The following JPH3 variants were observed in gnomAD, a reference collection of about 807,000 sequenced individuals.
The protein encoded by JPH3 is junctophilin-3.
JPH3 carries 11 observed loss-of-function variants against 59.6 expected under a neutral mutation model. The observed-to-expected ratio is 0.18, with a 90% CI of 0.12 to 0.31. The LOEUF is 0.31. Ranked by LOEUF, JPH3 falls within the 10% of genes least tolerant of loss-of-function variation. The pLI is 1.00. For synonymous variants in JPH3, 673 were observed against 483.6 expected (o/e 1.39, Z -5.14); for missense variants, 1,202 against 1,105.7 (o/e 1.09, Z -1.24).
chr16:87,621,186 C>T (rs528205338), intron 1 of JPH3, among the ~76,000 whole-genome samples: 5 of 152,308 alleles, frequency 3.3e-5, no homozygotes, highest in African/African-American at 1.2e-4. Flanking sequence ...GAAACTGGTC[C>T]CCTGGAGCGC....
rs116014046 is a variant in JPH3 at position 87,686,230 on chromosome 16, C to T, written c.1285+1964C>T. On this transcript the variant is annotated intron_variant, in intron 3 of 4. Coordinates refer to ENST00000284262, the MANE Select transcript of JPH3 (RefSeq NM_020655.4). The stretch of plus-strand genomic sequence containing the variant: ...CCCAAGAAATGGGTGCAGGCTCCCC[C>T]ACCCTGAGAATTCCAGTTAAGACTC... Among the ~76,000 whole-genome samples, 764 of 152,264 alleles carry T rather than the reference C, an allele frequency of 5.0e-3. 2 individuals carry two copies. Among genetic ancestry groups the T allele is most frequent in the African/African-American group, 0.018 (737 of 41,498 alleles).
At chr16:87,649,962 C>T (rs2032279421) in intron 2 of JPH3, among the ~76,000 whole-genome samples, 1 of 152,216 alleles carries the variant, frequency 6.6e-6, no homozygotes, top group Admixed American at 6.5e-5. Context: ...GCAAACGTTG[C>T]TGTGAAGGGA....
At chr16:87,612,996 G>A (rs546952793) in intron 1 of JPH3, among the ~76,000 whole-genome samples, 15 of 151,586 alleles carry the variant, frequency 9.9e-5, no homozygotes, top group Middle Eastern at 3.4e-3. Flanking sequence ...CCTGCAGTCC[G>A]GCCTGGGTGA....
chr16:87,616,196 G>T (rs1353492667), intron 1 of JPH3, among the ~76,000 whole-genome samples: 35 of 85,246 alleles, frequency 4.1e-4, no homozygotes, highest in African/African-American at 1.0e-3. Context: ...GGTTTTGTGT[G>T]TGTGTGTGTG....
rs1282930403 is a variant in JPH3 at position 87,644,603 on chromosome 16, C to G, written c.728C>G (p.Ser243Cys). 6.2e-7 allele frequency: 1 copy of G among 1,612,894 alleles called. No individual in the cohort carries two copies. The highest frequency in any genetic ancestry group is 1.7e-5 in the Admixed American group (1 of 60,034). ...SLASQRSKQS[S>C]FRSEAGMSTV... The stretch of plus-strand genomic sequence containing the variant: ...GCCAGCCAACGCAGCAAGCAGAGCT[C>G]CTTTCGCAGCGAGGCGGGCATGAGC... Residue 243 changes from serine (S) to cysteine (C), a missense_variant, in exon 2 of 5, where the codon TCC becomes TGC. Transcript: ENST00000284262.
intron 2 of JPH3, among the ~76,000 whole-genome samples, chr16:87,651,824 T>C (rs1278905227): frequency 6.6e-6 from 1 of 152,252 alleles, no homozygotes. Flanking sequence ...TTCAATTTAG[T>C]TGATAAAACA....
chr16:87,681,496 C>T (rs2033292871), intron 2 of JPH3, among the ~76,000 whole-genome samples: 1 of 123,566 alleles, frequency 8.1e-6, no homozygotes, highest in East Asian at 2.5e-4. Context: ...GTCAGGTGCG[C>T]GCGGTGGTGA....
chr16:87,603,999 C>A, intron 1 of JPH3: 1 of 843,294 alleles, frequency 1.2e-6, no homozygotes, highest in Non-Finnish European at 1.4e-6. Flanking sequence ...AGCCCCGAAT[C>A]TGCCCAAGCC....
intron 4 of JPH3, chr16:87,694,672 A>T: frequency 6.5e-6 from 1 of 154,938 alleles, no homozygotes; most frequent in South Asian, 2.0e-4. Context: ...TGAGACAGAA[A>T]GCGTGTACTG....
chr16:87,633,787 G>T (rs1443964132), intron 1 of JPH3, among the ~76,000 whole-genome samples: 1 of 151,888 alleles, frequency 6.6e-6, no homozygotes, highest in Non-Finnish European at 1.5e-5. Flanking sequence ...GACAGAATGA[G>T]ACTCCATTGC....
chr16:87,607,935 A>C (rs2030586643), intron 1 of JPH3, among the ~76,000 whole-genome samples: 1 of 152,238 alleles, frequency 6.6e-6, no homozygotes, highest in Non-Finnish European at 1.5e-5. Flanking sequence ...TAAGGTGAAA[A>C]GAGAAAGGAA....
chr16:87,664,262 C>T (rs1031358992), intron 2 of JPH3, among the ~76,000 whole-genome samples: 7 of 147,336 alleles, frequency 4.8e-5, no homozygotes, highest in South Asian at 2.1e-4. Flanking sequence ...ACCCGGGAGG[C>T]GGAGCTTGCA....
chr16:87,647,671 G>A (rs990457482), intron 2 of JPH3, among the ~76,000 whole-genome samples: 1 of 152,130 alleles, frequency 6.6e-6, no homozygotes, highest in African/African-American at 2.4e-5. Context: ...TGGCTCACCC[G>A]CCATGTCCTG....
At chr16:87,608,724 A>T (rs895765717) in intron 1 of JPH3, among the ~76,000 whole-genome samples, 10 of 152,184 alleles carry the variant, frequency 6.6e-5, no homozygotes, top group African/African-American at 2.2e-4. Flanking sequence ...ACCCTCCAGC[A>T]CACTCAACCA....
chr16:87,619,001 T>C (rs1252534399), intron 1 of JPH3, among the ~76,000 whole-genome samples: 1 of 150,332 alleles, frequency 6.7e-6, no homozygotes, highest in African/African-American at 2.5e-5. Context: ...GGCAGGAGAA[T>C]CACTCGAACC....
rs2032077847 is a variant in JPH3 at position 87,644,652 on chromosome 16, C to T, written c.777C>T (p.Asp259=). ...GMSTVSSTAS[D]IHSTISLGEA... is the part of the protein sequence containing the mutation. ...GCACCGTCAGCTCCACGGCCAGCGA[C>T]ATCCACTCCACCATCAGCCTGGGCG... Residue 259 remains aspartate, a synonymous_variant, in exon 2 of 5, where the codon GAC becomes GAT. Coordinates refer to ENST00000284262, the MANE Select transcript of JPH3 (RefSeq NM_020655.4). 6.2e-7 allele frequency: 1 copy of T among 1,611,924 alleles called. No homozygotes were observed.
rs991058560 is a variant in JPH3, at chr16:87,697,127, G to A, written c.*467G>A. The A allele has an allele frequency of 6.1e-5, 13 of 211,658 alleles. No homozygotes were observed. Among genetic ancestry groups the A allele is most frequent in the East Asian group, 3.3e-4 (3 of 8,960 alleles). The allele number at this position is 211,658 out of a possible 1,614,324, so 13.1% of individuals were successfully genotyped here. A position where few individuals can be genotyped will look rare whatever the true frequency, so the allele number is the denominator to read the frequency against. ...ACTGCTTTCTCTGTCTAGAACAGAC[G>A]GGTGACAAGTATGGGCAGGAGGCAT... On this transcript the variant is annotated 3_prime_UTR_variant, in exon 5 of 5. Coordinates refer to ENST00000284262, the MANE Select transcript of JPH3 (RefSeq NM_020655.4).
At chr16:87,608,274 T>G (rs1194979589) in intron 1 of JPH3, among the ~76,000 whole-genome samples, 1 of 152,016 alleles carries the variant, frequency 6.6e-6, no homozygotes, top group Non-Finnish European at 1.5e-5. Flanking sequence ...TTTCTTCCTG[T>G]TTTCCCCAAG....
At chr16:87,674,580 A>G (rs2033099205) in intron 2 of JPH3, among the ~76,000 whole-genome samples, 1 of 152,244 alleles carries the variant, frequency 6.6e-6, no homozygotes, top group Non-Finnish European at 1.5e-5. Context: ...TGCGGCAAAA[A>G]TAAGGTGTGT....
Sources: allele counts gnomAD v4.1 joint callset (sites outside exome capture counted in the v4.1 genomes callset), GRCh38; gene constraint gnomAD v4.1.1; transcripts MANE v1.5; gene names NCBI Gene and HGNC (gene_info 2026-07-23, HGNC 2026-07-21).